MARS1: variants seen among roughly 807,000 people sequenced by gnomAD.
MARS1 encodes methionine--tRNA ligase, cytoplasmic.
In MARS1, 80 loss-of-function variants were observed where a neutral mutation model predicts 119.5. That is an observed-to-expected ratio of 0.67 (90% CI 0.56 to 0.81). MARS1 has a LOEUF of 0.81. Ranked by LOEUF, MARS1 falls within the 30% of genes least tolerant of loss-of-function variation. The probability of loss-of-function intolerance (pLI) is 0.00; values close to 1 mark genes in which losing one functional copy is unlikely to be tolerated. For synonymous variants in MARS1, 418 were observed against 433.4 expected (o/e 0.96, Z 0.44); for missense variants, 945 against 1,116.5 (o/e 0.85, Z 2.19).
At chr12:57,488,404 C>T (rs1249332994) in intron 1 of MARS1, 2 of 738,828 alleles carry the variant, frequency 2.7e-6, no homozygotes, top group Non-Finnish European at 4.4e-6. Flanking sequence ...TAATACCCTT[C>T]CCTTATCTCT....
chr12:57,490,337 G>A lies in MARS1; in HGVS notation c.621G>A (p.Gln207=). 6.2e-7 allele frequency: 1 copy of A among 1,612,698 alleles called. No individual in the cohort carries two copies. The highest frequency in any genetic ancestry group is 8.5e-7 in the Non-Finnish European group (1 of 1,180,030). Residue 207 remains glutamine, a synonymous_variant, in exon 6 of 21, where the codon CAG becomes CAA. Transcript: ENST00000262027. ...GGCCTTACCTCCAAAAGCAGCCCCA[G>A]CCCAGCCCCGCTGAGGGAAGGGCTG... ...ALRPYLQKQP[Q]PSPAEGRAVT...
At chr12:57,489,730 T>G in intron 4 of MARS1, 166 bp from the exon 5 acceptor site, 1 of 1,067,184 alleles carries the variant, frequency 9.4e-7, no homozygotes, top group Admixed American at 2.1e-5. Flanking sequence ...AATGGGATAA[T>G]ATTAGTACCT....
chr12:57,498,399 G>T, intron 8 of MARS1, 21 bp from the exon 9 acceptor site: 8 of 1,611,512 alleles, frequency 5.0e-6, no homozygotes, highest in Non-Finnish European at 3.4e-6. Flanking sequence ...GCCCCCTAGC[G>T]ATCACCATAT....
rs1877537886 is a variant in MARS1 at position 57,511,871 on chromosome 12, A to G, written c.1539+3A>G. 1 of 1,613,542 alleles carries G rather than the reference A, an allele frequency of 6.2e-7. No homozygotes were observed. The highest frequency in any genetic ancestry group is 1.3e-5 in the African/African-American group (1 of 74,942). On this transcript the variant is annotated splice_donor_region_variant and intron_variant, in intron 12 of 20. Coordinates refer to ENST00000262027, the MANE Select transcript of MARS1 (RefSeq NM_004990.4). ...CCTTAGAAGGTTTTGAAGACAAGGT[A>G]AAAACCCTTTTTTATTCATATCATT...
chr12:57,493,010 C>T (rs1399536985), intron 7 of MARS1, among the ~76,000 whole-genome samples: 1 of 151,872 alleles, frequency 6.6e-6, no homozygotes, highest in Non-Finnish European at 1.5e-5. Flanking sequence ...ATCTTACCTG[C>T]CTGATGCACA....
At chr12:57,496,177 CTT>C (rs58223781) in intron 7 of MARS1, among the ~76,000 whole-genome samples, 8 of 137,708 alleles carry the variant, frequency 5.8e-5, no homozygotes, top group Admixed American at 7.3e-5. Flanking sequence ...TAAGCACTTT[CTT>C]TTTTTTTTTT....
chr12:57,494,367 G>T (rs1319530130), intron 7 of MARS1, among the ~76,000 whole-genome samples: 3 of 115,442 alleles, frequency 2.6e-5, no homozygotes, highest in Non-Finnish European at 5.2e-5. Context: ...TCACACTGTC[G>T]TCCAGGCTGG....
intron 15 of MARS1, among the ~76,000 whole-genome samples, chr12:57,514,518 T>C (rs941027033): frequency 1.3e-5 from 2 of 152,218 alleles, no homozygotes; most frequent in Non-Finnish European, 2.9e-5. Context: ...AGGTTTCTTA[T>C]GTGCAGAGTC....
At chr12:57,492,712 CACAG>C (rs1485905370) in intron 7 of MARS1, among the ~76,000 whole-genome samples, 22 of 142,020 alleles carry the variant, frequency 1.5e-4, no homozygotes, top group Non-Finnish European at 2.0e-4. Context: ...CACACACACA[CACAG>C]ACGTAAACAA....
chr12:57,514,973 A>C lies in MARS1; in HGVS notation c.2119A>C (p.Ser707Arg). The C allele has an allele frequency of 6.2e-7, 1 of 1,614,218 alleles. No homozygotes were observed. Among genetic ancestry groups the C allele is most frequent in the African/African-American group, 1.3e-5 (1 of 75,040 alleles). ...EKVRIRDALR[S>R]ILTISRHGNQ... ...TCCCAGGATCCGGGATGCCTTGCGC[A>C]GTATCCTCACCATATCTCGACATGG... Residue 707 changes from serine (S) to arginine (R), a missense_variant, in exon 17 of 21, where the codon AGT becomes CGT. Ser to Arg is a moderately radical substitution (Grantham distance 110). Transcript: ENST00000262027.
intron 14 of MARS1, 171 bp downstream of exon 14, chr12:57,512,524 C>T (rs1467879705): frequency 1.4e-5 from 9 of 655,284 alleles, no homozygotes; most frequent in Non-Finnish European, 2.4e-5. Flanking sequence ...CTGAAGAAAG[C>T]AAAAGTCTAA....
chr12:57,490,462 G>C, intron 6 of MARS1, 76 bp from the exon 7 acceptor site: 1 of 1,610,100 alleles, frequency 6.2e-7, no homozygotes, highest in Non-Finnish European at 8.5e-7. Flanking sequence ...AACTTTTTCA[G>C]GTAGTGGCAA....
At chr12:57,494,829 G>GTTGA (rs1876505366) in intron 7 of MARS1, among the ~76,000 whole-genome samples, 3 of 152,056 alleles carry the variant, frequency 2.0e-5, no homozygotes, top group African/African-American at 7.2e-5. Flanking sequence ...TGGGGGTAAG[G>GTTGA]TCATAGATCA....
intron 1 of MARS1, 93 bp from the exon 2 acceptor site, chr12:57,488,926 A>T: frequency 2.0e-6 from 2 of 1,016,560 alleles, no homozygotes; most frequent in Non-Finnish European, 3.0e-6. Context: ...TTCTTTTTTT[A>T]CTCACTGAAC....
chr12:57,515,883 C>A, intron 18 of MARS1, 37 bp from the exon 19 acceptor site: 1 of 1,513,950 alleles, frequency 6.6e-7, no homozygotes, highest in Non-Finnish European at 9.2e-7. Flanking sequence ...GAGTCTGTAT[C>A]CAATCAGTAG....
Position 57,511,829 on chromosome 12 carries a change from A to G in MARS1, c.1500A>G (p.Lys500=), listed in dbSNP as rs2290297. 2.1e-3 allele frequency: 3,447 copies of G among 1,614,188 alleles called. 135 individuals carry two copies. The East Asian group carries it at 0.06, about 28-fold the overall frequency. The change falls in exon 12 of 21, where the codon AAA becomes AAG. Residue 500 remains lysine, a synonymous_variant. Transcript: ENST00000262027. ...CACGCTGCATAACCCGAGACCTCAA[A>G]TGGGGAACCCCTGTACCCTTAGAAG... The part of the protein sequence containing the change: ...LKPRCITRDL[K]WGTPVPLEGF...
intron 11 of MARS1, among the ~76,000 whole-genome samples, chr12:57,510,794 A>G (rs1021464395): frequency 6.6e-6 from 1 of 151,888 alleles, no homozygotes; most frequent in Non-Finnish European, 1.5e-5. Context: ...TTGGTTGGGC[A>G]CGGTGGCTTA....
Position 57,515,908 on chromosome 12 carries a change from C to CT in MARS1, c.2392-5dup, listed in dbSNP as rs753118055. 1.8e-5 allele frequency: 29 copies of CT among 1,610,464 alleles called. No individual in the cohort carries two copies. In the East Asian group the frequency reaches 3.1e-4, roughly 17 times the overall value. ...CCAATCAGTAGATGATTCTGGAACT[C>CT]TTTTTTTACAGGTCAGTCCCTTGTT... On this transcript the variant is annotated splice_polypyrimidine_tract_variant and intron_variant, in intron 18 of 20. Transcript: ENST00000262027.
intron 11 of MARS1, among the ~76,000 whole-genome samples, chr12:57,509,098 T>C (rs187179549): frequency 1.3e-5 from 2 of 152,208 alleles, no homozygotes; most frequent in Admixed American, 1.3e-4. Context: ...TTTCTTATAA[T>C]CCTTTCCTGT....
Sources: allele counts gnomAD v4.1 joint callset (sites outside exome capture counted in the v4.1 genomes callset), GRCh38; gene constraint gnomAD v4.1.1; transcripts MANE v1.5; gene names NCBI Gene and HGNC (gene_info 2026-07-23, HGNC 2026-07-21).